Variants in ODAD3 observed in about 807,000 individuals in gnomAD.
ODAD3 encodes outer dynein arm-docking complex subunit 3.
In ODAD3, 57 loss-of-function variants were observed where a neutral mutation model predicts 70.9. The observed-to-expected ratio is 0.80, with a 90% CI of 0.65 to 1.00. The LOEUF (loss-of-function observed/expected upper bound fraction) is 1.00, where lower values mean the gene tolerates loss of function less well. Ranked by LOEUF, ODAD3 falls within the 50% of genes least tolerant of loss-of-function variation. ODAD3 has a pLI of 0.00. For synonymous variants in ODAD3, 327 were observed against 315.9 expected (o/e 1.04, Z -0.37); for missense variants, 797 against 763.9 (o/e 1.04, Z -0.51).
rs1969387001 is a variant in ODAD3, at chr19:11,426,804, G to T, written c.613-20C>A. The T allele has an allele frequency of 3.1e-6, 5 of 1,613,544 alleles. No homozygotes were observed. The highest frequency in any genetic ancestry group is 3.4e-6 in the Non-Finnish European group (4 of 1,179,846). Reference sequence around the variant, plus strand: ...CATGGTCTGGAGAGCAGCAGGGCTGGGCTGAGGGCCCTCCGCACTCAATCC... The same window carrying T: ...CATGGTCTGGAGAGCAGCAGGGCTGTGCTGAGGGCCCTCCGCACTCAATCC... On this transcript the variant is annotated intron_variant, in intron 4 of 12. Transcript: ENST00000356392.
In ODAD3 at chr19:11,425,187, ATATACATATGTGTATG is replaced by A. The variant is rs1379505740; in HGVS notation, c.963+941_963+956del. 1.2e-4 allele frequency among the ~76,000 whole-genome samples: 16 copies of A among 133,416 alleles called. 1 individual carries two copies. Among genetic ancestry groups the A allele is most frequent in the South Asian group, 6.8e-4 (3 of 4,444 alleles). The allele number at this position is 133,416 out of a possible 152,430, so 87.5% of individuals were successfully genotyped here. A position where few individuals can be genotyped will look rare whatever the true frequency, so the allele number is the denominator to read the frequency against. On this transcript the variant is annotated intron_variant, in intron 7 of 12. Transcript: ENST00000356392. ...TATGTGTATATGTACATATGTGTAT[ATATACATATGTGTATG>A]TGTACATATGTGTATATATGTGTGT...
At chr19:11,424,263 G>C (rs1969210880) in intron 7 of ODAD3, among the ~76,000 whole-genome samples, 1 of 152,042 alleles carries the variant, frequency 6.6e-6, no homozygotes, top group African/African-American at 2.4e-5. Flanking sequence ...CAGTACTTTA[G>C]GAGGCTGAGG....
At chr19:11,425,492 T>C (rs1969331348) in intron 7 of ODAD3, among the ~76,000 whole-genome samples, 1 of 143,810 alleles carries the variant, frequency 7.0e-6, no homozygotes, top group Non-Finnish European at 1.5e-5. Flanking sequence ...TGTATATATG[T>C]ATATATGTAT....
Position 11,434,594 on chromosome 19 carries a change from C to G in ODAD3, c.244+179G>C, listed in dbSNP as rs1969609732. The G allele has an allele frequency of 1.2e-5, 8 of 654,268 alleles. No individual in the cohort carries two copies. In the Admixed American group the frequency reaches 2.1e-4, roughly 17 times the overall value. 40.5% of individuals were successfully genotyped at this position (654,268 alleles called of 1,614,324 possible). On this transcript the variant is annotated intron_variant, in intron 1 of 12. Transcript: ENST00000356392. Reference sequence around the variant, plus strand: ...AAGAAAGTATGAAGTACAGTTCAGTCGGTTCTGAACCCATGAGAAGTTTTA... The same window carrying G: ...AAGAAAGTATGAAGTACAGTTCAGTGGGTTCTGAACCCATGAGAAGTTTTA...
intron 7 of ODAD3, among the ~76,000 whole-genome samples, chr19:11,425,256 T>C (rs1393189781): frequency 7.0e-6 from 1 of 143,022 alleles, no homozygotes; most frequent in Non-Finnish European, 1.5e-5. Context: ...TATATGTATA[T>C]GTACATATGT....
chr19:11,424,551 CTA>C (rs1282470642), intron 7 of ODAD3, among the ~76,000 whole-genome samples: 2 of 117,652 alleles, frequency 1.7e-5, no homozygotes, highest in Admixed American at 8.8e-5. Context: ...GTATATATAC[CTA>C]TGTGTATATA....
intron 3 of ODAD3, among the ~76,000 whole-genome samples, chr19:11,429,456 A>G (rs1969457981): frequency 2.0e-5 from 3 of 150,294 alleles, no homozygotes; most frequent in Admixed American, 2.0e-4. Context: ...TGTCGCCCAG[A>G]CTGGAGTGCA....
chr19:11,424,937 GTA>G (rs1333105950), intron 7 of ODAD3, among the ~76,000 whole-genome samples: 8 of 116,968 alleles, frequency 6.8e-5, no homozygotes, highest in Non-Finnish European at 1.2e-4. Flanking sequence ...GTGTATATAT[GTA>G]TATATGTGTA....
chr19:11,427,126 CTG>C (rs766064234), intron 3 of ODAD3, 86 bp from the exon 4 acceptor site: 51 of 1,401,380 alleles, frequency 3.6e-5, no homozygotes, highest in Non-Finnish European at 4.8e-5. Context: ...TTCTCCCACA[CTG>C]TGGCTTCCAG....
rs919964860 is a variant in ODAD3 at position 11,430,939 on chromosome 19, T to A, written c.326A>T (p.Glu109Val). ...NQETISQLRKETKALELKLLD... is the reference protein window; with the variant it reads ...NQETISQLRKVTKALELKLLD... ...CAGCTTTAGTTCCAGTGCCTTAGTC[T>A]CCTTGCGGAGCTGACTGATGGTCTC... is the stretch of plus-strand genomic sequence containing the variant. Residue 109 changes from glutamate to valine, a missense_variant, in exon 2 of 13, where the codon GAG (glutamate) becomes GTG (valine). By Grantham distance (121) the Glu-to-Val change is moderately radical. Coordinates refer to ENST00000356392, the MANE Select transcript of ODAD3 (RefSeq NM_145045.5). 2 of 1,613,992 alleles carry A rather than the reference T, an allele frequency of 1.2e-6. No homozygotes were observed. The highest frequency in any genetic ancestry group is 1.7e-6 in the Non-Finnish European group (2 of 1,180,010).
At position 11,432,680 on chromosome 19, in the gene ODAD3, A is replaced by T. The variant is rs534639215; in HGVS notation, c.245-1660T>A. 3.3e-5 allele frequency among the ~76,000 whole-genome samples: 5 copies of T among 152,308 alleles called. No homozygotes were observed. In the East Asian group the frequency reaches 9.6e-4, roughly 29 times the overall value. ...GGACTAAGAGGTTTCCGAATGCCAT[A>T]TATCACGTGCCAATAGGTATCCATG... On this transcript the variant is annotated intron_variant, in intron 1 of 12. Coordinates refer to ENST00000356392, the MANE Select transcript of ODAD3 (RefSeq NM_145045.5).
upstream of ODAD3, chr19:11,435,542 CA>C (rs1568357699): frequency 1.8e-6 from 1 of 543,814 alleles, no homozygotes; most frequent in African/African-American, 1.9e-5. Flanking sequence ...GCACCGCCCC[CA>C]CTCCTGCCTC....
Position 11,425,106 on chromosome 19 carries a change from TATATGTGTATATGTAC to T in ODAD3, c.963+1022_963+1037del, listed in dbSNP as rs1185659170. On this transcript the variant is annotated intron_variant, in intron 7 of 12. Coordinates refer to ENST00000356392, the MANE Select transcript of ODAD3 (RefSeq NM_145045.5). Reference sequence around the variant, plus strand: ...ATATGTACATATGTGTATATATGTATATATGTGTATATGTACATATGTGTATATGTGTATATGTACA... The same window carrying T: ...ATATGTACATATGTGTATATATGTATATATGTGTATATGTGTATATGTACA... Among the ~76,000 whole-genome samples, 16 of 125,106 alleles carry T rather than the reference TATATGTGTATATGTAC, an allele frequency of 1.3e-4. 3 individuals carry two copies. The highest frequency in any genetic ancestry group is 4.9e-4 in the African/African-American group (12 of 24,416). 82.1% of individuals were successfully genotyped at this position (125,106 alleles called of 152,430 possible). A position where few individuals can be genotyped will look rare whatever the true frequency, so the allele number is the denominator to read the frequency against.
chr19:11,422,399 G>A lies in ODAD3; in HGVS notation c.1434+72C>T. 1 of 1,455,930 alleles carries A rather than the reference G, an allele frequency of 6.9e-7. No individual in the cohort carries two copies. The highest frequency in any genetic ancestry group is 9.1e-7 in the Non-Finnish European group (1 of 1,098,904). 90.2% of individuals were successfully genotyped at this position (1,455,930 alleles called of 1,614,324 possible). ...TCCCTCGGGCAAGCTGGTGTGGCAG[G>A]AACCCCGCTTCGTGGCTGCGCCTCT... On this transcript the variant is annotated intron_variant, in intron 10 of 12. Transcript: ENST00000356392. The surrounding 1 kb of genome is among the most constrained non-coding windows in gnomAD (Gnocchi z 4.6).
At chr19:11,423,447 A>C (rs1275238546) in intron 8 of ODAD3, among the ~76,000 whole-genome samples, 1 of 152,174 alleles carries the variant, frequency 6.6e-6, no homozygotes, top group East Asian at 1.9e-4. Flanking sequence ...AATGCAAGGA[A>C]GACTTTACAG....
At chr19:11,435,605 G>C (rs1969673035), upstream of ODAD3, 1 of 1,053,290 alleles carries the variant, frequency 9.5e-7, no homozygotes, top group Non-Finnish European at 1.3e-6. Flanking sequence ...CGTACGACCG[G>C]AAGTGACGGG....
At chr19:11,431,981 T>C (rs945547762) in intron 1 of ODAD3, among the ~76,000 whole-genome samples, 1 of 143,288 alleles carries the variant, frequency 7.0e-6, no homozygotes, top group African/African-American at 2.6e-5. Flanking sequence ...GGCATGATGG[T>C]GGGTGCCTGT....
intron 3 of ODAD3, among the ~76,000 whole-genome samples, chr19:11,427,282 T>A (rs1171085078): frequency 6.6e-6 from 1 of 151,868 alleles, no homozygotes; most frequent in Non-Finnish European, 1.5e-5. Flanking sequence ...AAAATATTTT[T>A]AAATTTTTCT....
At chr19:11,425,543 GTATGTATA>G (rs1346654770) in intron 7 of ODAD3, among the ~76,000 whole-genome samples, 12 of 133,390 alleles carry the variant, frequency 9.0e-5, no homozygotes, top group East Asian at 4.0e-4. Context: ...ATGTGTGTAT[GTATGTATA>G]TATGTATATA....
Sources: gnomAD v4.1 joint callset for allele counts (sites outside exome capture counted in the v4.1 genomes callset) on GRCh38, gnomAD v4.1.1 for gene constraint, Gnocchi (gnomAD v3.1) non-coding constraint, MANE v1.5 for transcripts, NCBI Gene and HGNC (gene_info 2026-07-23, HGNC 2026-07-21) for gene names.